FAT3: variants seen among roughly 807,000 people sequenced by gnomAD.
The protein encoded by FAT3 is FAT atypical cadherin 3.
FAT3 carries 95 observed loss-of-function variants against 310.2 expected under a neutral mutation model. The observed-to-expected ratio is 0.31, with a 90% CI of 0.26 to 0.36. The LOEUF is 0.36. Ranked by LOEUF, FAT3 falls within the 10% of genes least tolerant of loss-of-function variation. The pLI, the probability that FAT3 is intolerant of heterozygous loss-of-function variation, is 1.00. For missense variants in FAT3, 5,408 were observed against 5,715.6 expected, an observed-to-expected ratio of 0.95 and a Z score of 1.74; for synonymous variants, 2,314 against 2,192.9, an observed-to-expected ratio of 1.06 and a Z score of -1.54.
chr11:92,698,683 C>CA (rs144672446), intron 4 of FAT3, among the ~76,000 whole-genome samples: 4,966 of 151,242 alleles, frequency 0.033, 107 homozygotes, highest in Non-Finnish European at 0.052. Flanking sequence ...TCCAGGCTGC[C>CA]AAAAAAAATA....
At chr11:92,300,827 G>A (rs1412456302) in intron 1 of FAT3, among the ~76,000 whole-genome samples, 1 of 152,102 alleles carries the variant, frequency 6.6e-6, no homozygotes, top group Non-Finnish European at 1.5e-5. Context: ...ATGACATTTA[G>A]TTTCTGGTAT....
chr11:92,643,347 G>C (rs563941746), intron 3 of FAT3, among the ~76,000 whole-genome samples: 2 of 152,282 alleles, frequency 1.3e-5, no homozygotes, highest in South Asian at 4.1e-4. Context: ...GAGCTGCCCT[G>C]ACACCCAACT....
At chr11:92,817,021 G>A (rs1947842093) in intron 13 of FAT3, among the ~76,000 whole-genome samples, 1 of 151,942 alleles carries the variant, frequency 6.6e-6, no homozygotes, top group Non-Finnish European at 1.5e-5. Flanking sequence ...AGGAAAGAGA[G>A]GCAGAAAGGG....
chr11:92,799,941 G>T lies in FAT3; in HGVS notation c.6928G>T (p.Val2310Phe). 1 of 1,612,698 alleles carries T rather than the reference G, an allele frequency of 6.2e-7. No homozygotes were observed. The highest frequency in any genetic ancestry group is 2.2e-5 in the East Asian group (1 of 44,832). ...SLIGTPVLQV[V>F]SIDADSENNK... Reference sequence around the variant, plus strand: ...TATTGGGACACCTGTTTTACAAGTTGTCTCTATTGATGCAGACTCAGAAAA... The same window carrying T: ...TATTGGGACACCTGTTTTACAAGTTTTCTCTATTGATGCAGACTCAGAAAA... The change falls in exon 10 of 28, where the codon GTC becomes TTC. Residue 2310 changes from valine to phenylalanine, a missense_variant. Transcript: ENST00000525166.
intron 1 of FAT3, among the ~76,000 whole-genome samples, chr11:92,257,574 C>T (rs1168191355): frequency 6.6e-6 from 1 of 152,092 alleles, no homozygotes; most frequent in Middle Eastern, 3.2e-3. Context: ...TGTTCCAGTT[C>T]TCTTCAAGAC....
intron 1 of FAT3, among the ~76,000 whole-genome samples, chr11:92,334,708 C>T (rs910777428): frequency 6.6e-6 from 1 of 152,094 alleles, no homozygotes; most frequent in Non-Finnish European, 1.5e-5. Flanking sequence ...ATCATTCTTT[C>T]CCTGGTAGAA....
At chr11:92,736,104 C>T (rs1945337354) in intron 4 of FAT3, among the ~76,000 whole-genome samples, 1 of 152,044 alleles carries the variant, frequency 6.6e-6, no homozygotes, top group Non-Finnish European at 1.5e-5. Flanking sequence ...ACTGTCTGAT[C>T]CTTCTTGAGC....
At chr11:92,360,795 A>G (rs555407535) in intron 2 of FAT3, among the ~76,000 whole-genome samples, 171 of 152,332 alleles carry the variant, frequency 1.1e-3, no homozygotes, top group Non-Finnish European at 1.6e-3. Context: ...GGTACATTTT[A>G]GGTACTATTT....
At chr11:92,696,857 A>G (rs756835760) in intron 3 of FAT3, among the ~76,000 whole-genome samples, 43 of 143,530 alleles carry the variant, frequency 3.0e-4, no homozygotes, top group South Asian at 6.3e-4. Flanking sequence ...AAATTACAGT[A>G]TGAAATCTTT....
intron 3 of FAT3, among the ~76,000 whole-genome samples, chr11:92,631,585 C>G (rs532863810): frequency 1.3e-5 from 2 of 152,086 alleles, no homozygotes; most frequent in African/African-American, 4.8e-5. Context: ...TCTTCCCCTT[C>G]GCCTTCTGCC....
At chr11:92,620,650 A>T (rs1174137299) in intron 3 of FAT3, among the ~76,000 whole-genome samples, 2 of 142,104 alleles carry the variant, frequency 1.4e-5, no homozygotes, top group African/African-American at 5.3e-5. Context: ...TTCCATTATT[A>T]AAAAAAATTA....
At chr11:92,768,484 G>A (rs145282919) in intron 6 of FAT3, among the ~76,000 whole-genome samples, 129 of 152,244 alleles carry the variant, frequency 8.5e-4, no homozygotes, top group Admixed American at 3.1e-3. Flanking sequence ...ATCCATCAGA[G>A]TCATTTTTTC....
intron 3 of FAT3, among the ~76,000 whole-genome samples, chr11:92,689,456 A>G (rs1943733529): frequency 1.3e-5 from 2 of 152,216 alleles, no homozygotes; most frequent in African/African-American, 4.8e-5. Context: ...CATCCTTAGT[A>G]TTGGTTCGCC....
chr11:92,233,754 A>G (rs1346865254), intron 1 of FAT3, among the ~76,000 whole-genome samples: 1 of 152,222 alleles, frequency 6.6e-6, no homozygotes, highest in East Asian at 1.9e-4. Context: ...GACAAAACAT[A>G]TTATATTGCC....
chr11:92,676,633 G>A (rs2065645256), intron 3 of FAT3, among the ~76,000 whole-genome samples: 1 of 152,142 alleles, frequency 6.6e-6, no homozygotes, highest in African/African-American at 2.4e-5. Context: ...ATTTAAACTG[G>A]ACTCTGAAAT....
At chr11:92,242,533 C>T (rs1189141230) in intron 1 of FAT3, among the ~76,000 whole-genome samples, 1 of 151,868 alleles carries the variant, frequency 6.6e-6, no homozygotes, top group Admixed American at 6.6e-5. Context: ...GCCTATTATA[C>T]TGAGGCAGCT....
At chr11:92,517,415 G>A (rs1482091414) in intron 2 of FAT3, among the ~76,000 whole-genome samples, 2 of 152,168 alleles carry the variant, frequency 1.3e-5, no homozygotes, top group Non-Finnish European at 1.5e-5. Context: ...AAACTGGCTA[G>A]CCATATGCAG....
At chr11:92,739,552 C>A (rs1324892223) in intron 4 of FAT3, among the ~76,000 whole-genome samples, 1 of 152,200 alleles carries the variant, frequency 6.6e-6, no homozygotes, top group African/African-American at 2.4e-5. Flanking sequence ...AGAACATTCT[C>A]TACATATTTT....
At chr11:92,533,075 C>T (rs1012678098) in intron 3 of FAT3, among the ~76,000 whole-genome samples, 1 of 152,116 alleles carries the variant, frequency 6.6e-6, no homozygotes, top group Non-Finnish European at 1.5e-5. Flanking sequence ...CCGCTGTTGC[C>T]CAGGCTGGAG....
Sources: allele counts gnomAD v4.1 joint callset (sites outside exome capture counted in the v4.1 genomes callset), GRCh38; gene constraint gnomAD v4.1.1; transcripts MANE v1.5; gene names NCBI Gene and HGNC (gene_info 2026-07-23, HGNC 2026-07-21).